The following TRHDE variants were observed in gnomAD, a reference collection of about 807,000 sequenced individuals.
TRHDE encodes the protein thyrotropin-releasing hormone-degrading ectoenzyme.
In TRHDE, 72 loss-of-function variants were observed where a neutral mutation model predicts 125.7. That is an observed-to-expected ratio of 0.57 (90% CI 0.47 to 0.70). TRHDE has a LOEUF of 0.70. Ranked by LOEUF, TRHDE falls within the 30% of genes least tolerant of loss-of-function variation. TRHDE has a pLI of 0.00. For missense variants in TRHDE, 1,110 were observed against 1,327.1 expected (o/e 0.84, Z 2.54); for synonymous variants, 509 against 509.1 (o/e 1.00, Z 0.00).
intron 2 of TRHDE, among the ~76,000 whole-genome samples, chr12:72,358,099 A>G (rs933377586): frequency 6.6e-6 from 1 of 151,594 alleles, no homozygotes. Context: ...TTGATAACCT[A>G]TAAGGAGATA....
intron 12 of TRHDE, among the ~76,000 whole-genome samples, chr12:72,589,869 A>C (rs975104888): frequency 2.0e-5 from 3 of 151,940 alleles, no homozygotes; most frequent in African/African-American, 7.2e-5. Flanking sequence ...TAATTTTTAA[A>C]TTATTCTATT....
At chr12:72,373,210 A>T (rs1171788940) in intron 2 of TRHDE, among the ~76,000 whole-genome samples, 1 of 152,100 alleles carries the variant, frequency 6.6e-6, no homozygotes, top group African/African-American at 2.4e-5. Flanking sequence ...TTGGTGTATA[A>T]GAATGCTTGT....
chr12:72,155,128 C>T (rs11179091), intron 2 of TRHDE, among the ~76,000 whole-genome samples: 4,434 of 152,240 alleles, frequency 0.029, 120 homozygotes, highest in South Asian at 0.11. Flanking sequence ...TCTCTTCTCA[C>T]TTCATTTCAT....
At chr12:72,648,875 A>G (rs1874388183) in intron 15 of TRHDE, among the ~76,000 whole-genome samples, 1 of 152,126 alleles carries the variant, frequency 6.6e-6, no homozygotes, top group Non-Finnish European at 1.5e-5. Context: ...ACTAAAATCC[A>G]TAAAACATTG....
At chr12:72,339,372 A>T (rs1206446589) in intron 2 of TRHDE, among the ~76,000 whole-genome samples, 1 of 152,148 alleles carries the variant, frequency 6.6e-6, no homozygotes, top group African/African-American at 2.4e-5. Context: ...ATTATTTCTT[A>T]TCTTCAAGAC....
At chr12:72,650,173 A>G (rs1874448835) in intron 15 of TRHDE, among the ~76,000 whole-genome samples, 1 of 152,168 alleles carries the variant, frequency 6.6e-6, no homozygotes. Flanking sequence ...CGTAGTGTAC[A>G]CATACAATGA....
chr12:72,305,714 C>T (rs2043347883), intron 2 of TRHDE, among the ~76,000 whole-genome samples: 1 of 152,150 alleles, frequency 6.6e-6, no homozygotes, highest in South Asian at 2.1e-4. Context: ...AACAATAAAG[C>T]AACAACTCAT....
intron 3 of TRHDE, among the ~76,000 whole-genome samples, chr12:72,429,844 T>C (rs920873709): frequency 6.6e-5 from 10 of 152,238 alleles, no homozygotes; most frequent in African/African-American, 2.4e-4. Context: ...CAGATCTTTG[T>C]CAATTTTTAA....
chr12:72,636,032 C>A (rs1177352472), intron 15 of TRHDE, among the ~76,000 whole-genome samples: 1 of 150,414 alleles, frequency 6.6e-6, no homozygotes, highest in African/African-American at 2.4e-5. Context: ...TTTTCCAATT[C>A]TGTGAAGAAA....
At chr12:72,122,229 AC>A (rs1208231304) in intron 2 of TRHDE, among the ~76,000 whole-genome samples, 6 of 152,214 alleles carry the variant, frequency 3.9e-5, no homozygotes, top group African/African-American at 1.4e-4. Context: ...GGCAGAAGCA[AC>A]AGCTTACCCA....
At chr12:72,651,151 C>G (rs940946712) in intron 15 of TRHDE, among the ~76,000 whole-genome samples, 4 of 152,056 alleles carry the variant, frequency 2.6e-5, no homozygotes, top group Non-Finnish European at 5.9e-5. Context: ...ATTAAAGTAA[C>G]GTTTCTCCAA....
intron 1 of TRHDE, among the ~76,000 whole-genome samples, chr12:72,277,099 T>A (rs1879515329): frequency 6.6e-6 from 1 of 152,166 alleles, no homozygotes; most frequent in Admixed American, 6.6e-5. Flanking sequence ...CAAACTTTAA[T>A]AGGGTCTATA....
intron 2 of TRHDE, among the ~76,000 whole-genome samples, chr12:72,297,826 T>A (rs1157028266): frequency 6.6e-6 from 1 of 151,980 alleles, no homozygotes; most frequent in African/African-American, 2.4e-5. Context: ...AGGATAAAAG[T>A]GTTGAGAAAA....
chr12:72,343,296 A>G (rs1870166983), intron 2 of TRHDE, among the ~76,000 whole-genome samples: 2 of 152,098 alleles, frequency 1.3e-5, no homozygotes, highest in African/African-American at 2.4e-5. Context: ...CACATACTCA[A>G]GTCCTCGCAG....
intron 2 of TRHDE, among the ~76,000 whole-genome samples, chr12:72,346,789 C>G (rs1024442707): frequency 1.3e-5 from 2 of 152,094 alleles, no homozygotes; most frequent in Non-Finnish European, 2.9e-5. Context: ...TGGAGCTGCT[C>G]TAACAAAATA....
chr12:72,413,887 T>C (rs939767437), intron 3 of TRHDE, among the ~76,000 whole-genome samples: 3 of 152,072 alleles, frequency 2.0e-5, no homozygotes, highest in Non-Finnish European at 4.4e-5. Flanking sequence ...TTAATAAGGT[T>C]TTCATTCCTT....
intron 2 of TRHDE, among the ~76,000 whole-genome samples, chr12:72,302,957 C>T (rs148653016): frequency 3.5e-4 from 54 of 152,284 alleles, no homozygotes; most frequent in Admixed American, 7.8e-4. Flanking sequence ...GATGTGACAA[C>T]TGAAAATGTC....
At chr12:72,469,179 C>T (rs780575537) in intron 3 of TRHDE, among the ~76,000 whole-genome samples, 2 of 152,106 alleles carry the variant, frequency 1.3e-5, no homozygotes, top group African/African-American at 2.4e-5. Context: ...CAGACCAGAG[C>T]CTGTGGGTCC....
chr12:72,621,809 A>C, intron 15 of TRHDE, 58 bp downstream of exon 15: 1 of 1,255,458 alleles, frequency 8.0e-7, no homozygotes, highest in Non-Finnish European at 1.1e-6. Context: ...TCAGAGTCTC[A>C]GTGGATGCAT....
Sources: allele counts gnomAD v4.1 joint callset (sites outside exome capture counted in the v4.1 genomes callset), GRCh38; gene constraint gnomAD v4.1.1; transcripts MANE v1.5; gene names NCBI Gene and HGNC (gene_info 2026-07-23, HGNC 2026-07-21).